PDS5B: variants seen among roughly 807,000 people sequenced by gnomAD.
PDS5B encodes sister chromatid cohesion protein PDS5 homolog B.
PDS5B carries 51 observed loss-of-function variants against 184.1 expected under a neutral mutation model. The observed-to-expected ratio is 0.28, with a 90% CI of 0.22 to 0.35. The LOEUF is 0.35. Ranked by LOEUF, PDS5B falls within the 10% of genes least tolerant of loss-of-function variation. The probability of loss-of-function intolerance (pLI) is 1.00; values close to 1 mark genes in which losing one functional copy is unlikely to be tolerated. For missense variants in PDS5B, 1,180 were observed against 1,723.3 expected, an observed-to-expected ratio of 0.68 and a Z score of 5.58; for synonymous variants, 566 against 569.2, an observed-to-expected ratio of 0.99 and a Z score of 0.08.
intron 18 of PDS5B, among the ~76,000 whole-genome samples, chr13:32,709,629 C>T (rs1326047966): frequency 1.3e-5 from 2 of 151,746 alleles, no homozygotes; most frequent in Non-Finnish European, 1.5e-5. Flanking sequence ...TCTTCATGTC[C>T]CCTTTTCTCC....
chr13:32,608,296 A>G (rs1003866949), intron 1 of PDS5B, among the ~76,000 whole-genome samples: 2 of 152,114 alleles, frequency 1.3e-5, no homozygotes, highest in Non-Finnish European at 2.9e-5. Flanking sequence ...ACCCCAACTG[A>G]CTTTTAAAAA....
At chr13:32,713,911 A>G (rs899842227) in intron 19 of PDS5B, among the ~76,000 whole-genome samples, 5 of 152,314 alleles carry the variant, frequency 3.3e-5, no homozygotes, top group Admixed American at 1.3e-4. Flanking sequence ...CTGCCCCGAT[A>G]ATCATGTAGG....
chr13:32,648,782 T>G lies in PDS5B; in HGVS notation c.10T>G (p.Ser4Ala), dbSNP rs751420517. 1 of 1,486,308 alleles carries G rather than the reference T, an allele frequency of 6.7e-7. No homozygotes were observed. The highest frequency in any genetic ancestry group is 1.4e-5 in the African/African-American group (1 of 72,476). 92.1% of individuals were successfully genotyped at this position (1,486,308 alleles called of 1,614,324 possible). A position where few individuals can be genotyped will look rare whatever the true frequency, so the allele number is the denominator to read the frequency against. ...TAGAAATATTTCTGTCATGGCTCATTCAAAGACTAGGACCAATGATGGAAA... is the reference window on the plus strand; with the variant it reads ...TAGAAATATTTCTGTCATGGCTCATGCAAAGACTAGGACCAATGATGGAAA... MAH[S>A]KTRTNDGKIT... is the part of the protein sequence containing the mutation. The change falls in exon 2 of 35, where the codon TCA (serine) becomes GCA (alanine). Residue 4 changes from serine to alanine, a missense_variant. By Grantham distance (99) the Ser-to-Ala change is moderately conservative. Transcript: ENST00000315596.
intron 9 of PDS5B, among the ~76,000 whole-genome samples, chr13:32,676,425 G>A (rs1421358942): frequency 6.6e-6 from 1 of 152,096 alleles, no homozygotes; most frequent in Non-Finnish European, 1.5e-5. Flanking sequence ...TGGATTCCTT[G>A]CATGGTTTGA....
intron 20 of PDS5B, among the ~76,000 whole-genome samples, chr13:32,734,380 T>G (rs563510202): frequency 6.6e-6 from 1 of 152,296 alleles, no homozygotes; most frequent in African/African-American, 2.4e-5. Flanking sequence ...TTTGAAGAGC[T>G]TGTTCATTCT....
chr13:32,598,182 T>TCTC (rs60259476), intron 1 of PDS5B, among the ~76,000 whole-genome samples: 51,675 of 151,474 alleles, frequency 0.34, 9,051 homozygotes, highest in Non-Finnish European at 0.38. Flanking sequence ...TTCAAGCAAT[T>TCTC]CTGCCTCAGC....
At chr13:32,640,392 A>G (rs1422505074) in intron 1 of PDS5B, among the ~76,000 whole-genome samples, 1 of 152,174 alleles carries the variant, frequency 6.6e-6, no homozygotes, top group Non-Finnish European at 1.5e-5. Context: ...GACTACAGGC[A>G]TGCGCCACCA....
chr13:32,681,293 A>G (rs1399787342), intron 10 of PDS5B, among the ~76,000 whole-genome samples: 2 of 152,130 alleles, frequency 1.3e-5, no homozygotes, highest in South Asian at 2.1e-4. Flanking sequence ...ATAAAAGTAT[A>G]AGAGTAATAA....
intron 34 of PDS5B, among the ~76,000 whole-genome samples, chr13:32,773,877 C>G (rs1312211409): frequency 6.6e-6 from 1 of 152,158 alleles, no homozygotes; most frequent in Non-Finnish European, 1.5e-5. Context: ...GATCTGGGCT[C>G]AGTGCAACCT....
In PDS5B at chr13:32,676,005, T is replaced by C. The variant is rs17077730; in HGVS notation, c.962+46T>C. On this transcript the variant is annotated intron_variant, in intron 9 of 34. Coordinates refer to ENST00000315596, the MANE Select transcript of PDS5B (RefSeq NM_015032.4). The stretch of plus-strand genomic sequence containing the variant: ...ATTTAAAAGTAATACATTATTCTAC[T>C]GACCGTTTTTTTAAGAAACATTATC... 3.4e-3 allele frequency: 3,581 copies of C among 1,055,880 alleles called. 64 individuals carry two copies. The African/African-American group carries it at 0.043, about 13-fold the overall frequency. 65.4% of individuals were successfully genotyped at this position (1,055,880 alleles called of 1,614,324 possible).
intron 13 of PDS5B, 136 bp downstream of exon 13, chr13:32,688,705 G>A: frequency 1.6e-6 from 1 of 621,500 alleles, no homozygotes; most frequent in Non-Finnish European, 2.9e-6. Flanking sequence ...TTATGTCGTA[G>A]TACTTGGCTA....
chr13:32,594,276 C>CTA (rs35091430), intron 1 of PDS5B, among the ~76,000 whole-genome samples: 52,080 of 151,910 alleles, frequency 0.34, 9,139 homozygotes, highest in Non-Finnish European at 0.38. Context: ...TGCAGGGAGA[C>CTA]TGTGTGGCAA....
At chr13:32,742,519 T>G in intron 22 of PDS5B, 72 bp from the exon 23 acceptor site, 1 of 1,309,828 alleles carries the variant, frequency 7.6e-7, no homozygotes, top group Admixed American at 2.3e-5. Context: ...CATTTTATTT[T>G]TAAAAAAAGT....
rs562178588 is a variant in PDS5B at position 32,642,607 on chromosome 13, A to T, written c.-19-6147A>T. On this transcript the variant is annotated intron_variant, in intron 1 of 34. Coordinates refer to ENST00000315596, the MANE Select transcript of PDS5B (RefSeq NM_015032.4). Reference sequence around the variant, plus strand: ...GAGGTGTTTCAAACCTCTCCTTACAATGCTGTTCATAAGACTGAAGTGCAA... The same window carrying T: ...GAGGTGTTTCAAACCTCTCCTTACATTGCTGTTCATAAGACTGAAGTGCAA... Among the ~76,000 whole-genome samples, 6 of 152,278 alleles carry T rather than the reference A, an allele frequency of 3.9e-5. No individual in the cohort carries two copies. In the East Asian group the frequency reaches 9.6e-4, roughly 24 times the overall value.
intron 1 of PDS5B, among the ~76,000 whole-genome samples, chr13:32,603,375 T>C (rs550525898): frequency 6.6e-6 from 1 of 152,368 alleles, no homozygotes; most frequent in East Asian, 1.9e-4. Flanking sequence ...TTTCTTGTTT[T>C]TGTCAGGTTT....
intron 1 of PDS5B, among the ~76,000 whole-genome samples, chr13:32,610,419 A>G (rs1437546118): frequency 1.3e-5 from 2 of 152,226 alleles, no homozygotes; most frequent in Admixed American, 1.3e-4. Context: ...GATGTATTCC[A>G]GTAAGTACTC....
chr13:32,642,100 C>G (rs778676234), intron 1 of PDS5B, among the ~76,000 whole-genome samples: 5 of 152,156 alleles, frequency 3.3e-5, no homozygotes, highest in Non-Finnish European at 5.9e-5. Context: ...AATCAGTTTT[C>G]TTGTTTTGTA....
intron 1 of PDS5B, among the ~76,000 whole-genome samples, chr13:32,588,430 A>C (rs2057724767): frequency 6.6e-6 from 1 of 152,232 alleles, no homozygotes; most frequent in Non-Finnish European, 1.5e-5. Flanking sequence ...ACTTTATAAA[A>C]ATTACCAAAA....
At chr13:32,756,745 A>G (rs973742225) in intron 26 of PDS5B, among the ~76,000 whole-genome samples, 6 of 152,222 alleles carry the variant, frequency 3.9e-5, no homozygotes, top group Non-Finnish European at 5.9e-5. Flanking sequence ...CCTCAGGAGA[A>G]TAAAATCAAA....
Sources: gnomAD v4.1 joint callset for allele counts (sites outside exome capture counted in the v4.1 genomes callset) on GRCh38, gnomAD v4.1.1 for gene constraint, MANE v1.5 for transcripts, NCBI Gene and HGNC (gene_info 2026-07-23, HGNC 2026-07-21) for gene names.